SLC2A12: variants seen among roughly 807,000 people sequenced by gnomAD.
SLC2A12 encodes the protein solute carrier family 2 member 12.
SLC2A12 carries 23 observed loss-of-function variants against 41.8 expected under a neutral mutation model. That is an observed-to-expected ratio of 0.55 (90% CI 0.40 to 0.78). SLC2A12 has a LOEUF of 0.78. Among genes scored for constraint, SLC2A12 ranks in the 30% least tolerant of loss-of-function variants. The probability of loss-of-function intolerance (pLI) is 0.00; values close to 1 mark genes in which losing one functional copy is unlikely to be tolerated. For synonymous variants in SLC2A12, 295 were observed against 285.9 expected (o/e 1.03, Z -0.32); for missense variants, 654 against 745.6 (o/e 0.88, Z 1.43).
intron 4 of SLC2A12, among the ~76,000 whole-genome samples, chr6:133,998,043 C>T (rs1390487613): frequency 6.6e-6 from 1 of 152,154 alleles, no homozygotes; most frequent in East Asian, 1.9e-4. Flanking sequence ...TCCTAATTTG[C>T]AATTTATAAC....
chr6:134,025,415 G>A (rs1246592256), intron 2 of SLC2A12, among the ~76,000 whole-genome samples: 1 of 152,132 alleles, frequency 6.6e-6, no homozygotes, highest in African/African-American at 2.4e-5. Flanking sequence ...TGCAAAGTAC[G>A]TAAAAGCTGC....
chr6:134,028,394 A>G lies in SLC2A12; in HGVS notation c.1431T>C (p.Ile477=), dbSNP rs1415165982. The G allele has an allele frequency of 6.2e-7, 1 of 1,612,252 alleles. No homozygotes were observed. The highest frequency in any genetic ancestry group is 1.3e-5 in the African/African-American group (1 of 74,880). ...SLLVYVAAFS[I]GLGPMPWLVL... ...TAAAGTACTTACTTGGTCCTAGACC[A>G]ATTGAAAAAGCAGCAACATAAACAA... The change falls in exon 2 of 5, where the codon ATT becomes ATC. Residue 477 remains isoleucine (I), a synonymous_variant. Transcript: ENST00000275230.
intron 2 of SLC2A12, among the ~76,000 whole-genome samples, chr6:134,026,888 C>A (rs1016832230): frequency 2.0e-5 from 3 of 152,196 alleles, no homozygotes; most frequent in African/African-American, 7.2e-5. Context: ...TTCACCTAAC[C>A]CTTCTCTCTC....
At chr6:134,005,508 A>G in intron 3 of SLC2A12, among the ~76,000 whole-genome samples, 1 of 151,650 alleles carries the variant, frequency 6.6e-6, no homozygotes, top group East Asian at 1.9e-4. Context: ...AAATACAAAA[A>G]AATTAGCCAG....
In SLC2A12 at chr6:134,028,705, G is replaced by C. The variant is rs1421616401; in HGVS notation, c.1120C>G (p.His374Asp). The change falls in exon 2 of 5, where the codon CAT becomes GAT. Residue 374 changes from histidine (H) to aspartate (D), a missense_variant. Coordinates refer to ENST00000275230, the MANE Select transcript of SLC2A12 (RefSeq NM_145176.3). ...VNLNIHMNFTHICRSHNSINQ... is the reference protein window; with the variant it reads ...VNLNIHMNFTDICRSHNSINQ... ...ATAGAATTGTGGCTTCTGCAGATAT[G>C]GGTGAAGTTCATGTGGATGTTGAGA... The C allele has an allele frequency of 6.2e-7, 1 of 1,614,016 alleles. No homozygotes were observed. The highest frequency in any genetic ancestry group is 1.3e-5 in the African/African-American group (1 of 74,918).
At chr6:134,044,020 G>A (rs1011521146) in intron 1 of SLC2A12, among the ~76,000 whole-genome samples, 7 of 152,114 alleles carry the variant, frequency 4.6e-5, no homozygotes, top group East Asian at 3.9e-4. Context: ...CTCCCTGAAC[G>A]TGCCATTCTC....
chr6:134,038,353 CTTTTTTTTTTTTTTTT>C (rs10584884), intron 1 of SLC2A12, among the ~76,000 whole-genome samples: 2,685 of 97,696 alleles, frequency 0.027, 135 homozygotes, highest in African/African-American at 0.13. Flanking sequence ...TTCTTTCTGC[CTTTTTTTTTTTTTTTT>C]TTTTTTTTTT....
At chr6:134,023,340 T>A (rs891121946) in intron 2 of SLC2A12, among the ~76,000 whole-genome samples, 1 of 152,138 alleles carries the variant, frequency 6.6e-6, no homozygotes, top group Admixed American at 6.5e-5. Context: ...GTTGTGATGA[T>A]TGACTGAACT....
In SLC2A12 at chr6:133,993,856, T is replaced by C. The variant is rs147980608; in HGVS notation, c.1701-2548A>G. 8.7e-4 allele frequency among the ~76,000 whole-genome samples: 133 copies of C among 152,304 alleles called. 1 individual carries two copies. Among genetic ancestry groups the C allele is most frequent in the Non-Finnish European group, 1.7e-3 (116 of 68,016 alleles). ...TGTCTGGGATGCAGCCTCTGGCCTGTGTGGCTGTGAGAGAAGAAGGGGAGA... is the reference window on the plus strand; with the variant it reads ...TGTCTGGGATGCAGCCTCTGGCCTGCGTGGCTGTGAGAGAAGAAGGGGAGA... On this transcript the variant is annotated intron_variant, in intron 4 of 4. Coordinates refer to ENST00000275230, the MANE Select transcript of SLC2A12 (RefSeq NM_145176.3).
chr6:133,998,712 TTG>T (rs959520448), intron 4 of SLC2A12, among the ~76,000 whole-genome samples: 13 of 152,260 alleles, frequency 8.5e-5, no homozygotes, highest in African/African-American at 3.1e-4. Flanking sequence ...AGCTAATATT[TTG>T]TGTTTTTGGT....
chr6:134,042,693 G>A (rs1394390730), intron 1 of SLC2A12, among the ~76,000 whole-genome samples: 1 of 152,098 alleles, frequency 6.6e-6, no homozygotes, highest in Non-Finnish European at 1.5e-5. Context: ...GGCTGGGTTA[G>A]GTGGCTCACA....
chr6:134,011,844 C>A (rs1298953438), intron 2 of SLC2A12, among the ~76,000 whole-genome samples: 2 of 152,088 alleles, frequency 1.3e-5, no homozygotes, highest in Non-Finnish European at 2.9e-5. Context: ...GAGTTTGAGA[C>A]CAGCCTGGCC....
rs2220134 is a variant in SLC2A12 at position 133,991,090 on chromosome 6, C to T, written c.*65G>A. 13,418 of 1,527,318 alleles carry T rather than the reference C, an allele frequency of 8.8e-3. 976 individuals are homozygous for T. In the African/African-American group the frequency reaches 0.16, roughly 18 times the overall value. 94.6% of individuals were successfully genotyped at this position (1,527,318 alleles called of 1,614,324 possible). ...AGAGAGCACAGGAGTCGCAACTATG[C>T]ATTGGTCCAAAGACACCCTCCTAAG... On this transcript the variant is annotated 3_prime_UTR_variant, in exon 5 of 5. Transcript: ENST00000275230.
chr6:133,988,972 T>A lies in SLC2A12; in HGVS notation c.*2183A>T, dbSNP rs1340960162. 6.6e-6 allele frequency: 1 copy of A among 152,170 alleles called. No homozygotes were observed. The highest frequency in any genetic ancestry group is 1.5e-5 in the Non-Finnish European group (1 of 68,024). The allele number at this position is 152,170 out of a possible 1,614,324, so 9.4% of individuals were successfully genotyped here. On this transcript the variant is annotated 3_prime_UTR_variant, in exon 5 of 5. Coordinates refer to ENST00000275230, the MANE Select transcript of SLC2A12 (RefSeq NM_145176.3). ...AGGTACAGATCCAGATGATGTAACC[T>A]TTTTAGTATTCGCATGACTTGAAAA... is the stretch of plus-strand genomic sequence containing the variant.
intron 1 of SLC2A12, among the ~76,000 whole-genome samples, chr6:134,032,939 C>T (rs914288349): frequency 3.4e-5 from 5 of 149,180 alleles, no homozygotes; most frequent in African/African-American, 4.9e-5. Context: ...ATGTTTGCAA[C>T]TTGTCAAAAT....
At chr6:134,039,892 C>A (rs1777357024) in intron 1 of SLC2A12, among the ~76,000 whole-genome samples, 1 of 152,084 alleles carries the variant, frequency 6.6e-6, no homozygotes, top group African/African-American at 2.4e-5. Context: ...CCAGTTTTCA[C>A]AATGTGATGT....
chr6:134,012,094 A>G (rs1776894180), intron 2 of SLC2A12, among the ~76,000 whole-genome samples: 1 of 152,214 alleles, frequency 6.6e-6, no homozygotes, highest in Non-Finnish European at 1.5e-5. Flanking sequence ...TAGCATCCCC[A>G]ACATTGGCAG....
intron 2 of SLC2A12, among the ~76,000 whole-genome samples, chr6:134,027,491 G>A (rs951061023): frequency 6.6e-6 from 1 of 152,132 alleles, no homozygotes; most frequent in African/African-American, 2.4e-5. Flanking sequence ...GAGAAAGGAA[G>A]GAGAGGAATA....
chr6:134,026,546 A>G (rs1777114331), intron 2 of SLC2A12, among the ~76,000 whole-genome samples: 1 of 152,250 alleles, frequency 6.6e-6, no homozygotes, highest in African/African-American at 2.4e-5. Flanking sequence ...TGAGTATCTC[A>G]TAGGTATACA....
Sources: gnomAD v4.1 joint callset for allele counts (sites outside exome capture counted in the v4.1 genomes callset) on GRCh38, gnomAD v4.1.1 for gene constraint, MANE v1.5 for transcripts, NCBI Gene and HGNC (gene_info 2026-07-23, HGNC 2026-07-21) for gene names.